Variants in TUBGCP5 observed in about 807,000 individuals in gnomAD.
The protein encoded by TUBGCP5 is tubulin gamma complex component 5.
A neutral mutation model predicts 134.7 loss-of-function variants in TUBGCP5; 98 were observed. The ratio of observed to expected loss-of-function variants is 0.73; its 90% CI spans 0.62 to 0.86. TUBGCP5 has a LOEUF of 0.86. TUBGCP5 is among the 40% of genes least tolerant of loss of function. The pLI, the probability that TUBGCP5 is intolerant of heterozygous loss-of-function variation, is 0.00. For synonymous variants in TUBGCP5, 456 were observed against 431.4 expected, an observed-to-expected ratio of 1.06 and a Z score of -0.71; for missense variants, 1,150 against 1,244.8, an observed-to-expected ratio of 0.92 and a Z score of 1.15.
chr15:23,033,590 T>A (rs2066431062), intron 3 of TUBGCP5, among the ~76,000 whole-genome samples: 1 of 149,664 alleles, frequency 6.7e-6, no homozygotes, highest in South Asian at 2.1e-4. Flanking sequence ...GTTTCATAAT[T>A]ATAAGAGTTT....
Position 23,007,165 on chromosome 15 carries a change from T to C in TUBGCP5, c.2328-813A>G, listed in dbSNP as rs1175985193. On this transcript the variant is annotated intron_variant, in intron 16 of 22. Transcript: ENST00000615383. The stretch of plus-strand genomic sequence containing the variant: ...TGGCTCACACCTGTAATCCCAGCAC[T>C]TTGGCATCCTCGAGGATCACGAGGT... Among the ~76,000 whole-genome samples, 2 of 152,098 alleles carry C rather than the reference T, an allele frequency of 1.3e-5. 1 individual carries two copies. The highest frequency in any genetic ancestry group is 2.9e-5 in the Non-Finnish European group (2 of 68,012).
At chr15:23,035,342 G>T (rs796569057) in intron 3 of TUBGCP5, among the ~76,000 whole-genome samples, 2 of 89,308 alleles carry the variant, frequency 2.2e-5, no homozygotes, top group African/African-American at 5.0e-5. Flanking sequence ...AAAAAAAAAA[G>T]AAAAAAAGTG....
intron 3 of TUBGCP5, among the ~76,000 whole-genome samples, chr15:23,035,068 C>G (rs1444178372): frequency 6.6e-6 from 1 of 152,092 alleles, no homozygotes; most frequent in African/African-American, 2.4e-5. Context: ...TGGCTCATGC[C>G]TGTAATCCCA....
At chr15:22,985,595 G>A (rs2063654143) in intron 23 of TUBGCP5, among the ~76,000 whole-genome samples, 1 of 151,852 alleles carries the variant, frequency 6.6e-6, no homozygotes, top group Non-Finnish European at 1.5e-5. Context: ...ATAGGAGAAT[G>A]GATAAACAAA....
chr15:23,014,591 G>A (rs1030612534), intron 13 of TUBGCP5, among the ~76,000 whole-genome samples: 2 of 127,206 alleles, frequency 1.6e-5, no homozygotes, highest in African/African-American at 5.3e-5. Flanking sequence ...CTCATGGGCT[G>A]CCACTGGCAG....
intron 11 of TUBGCP5, 155 bp from the exon 12 acceptor site, chr15:23,019,489 A>G: frequency 1.6e-6 from 1 of 614,672 alleles, no homozygotes; most frequent in South Asian, 2.1e-5. Flanking sequence ...CATACACTAT[A>G]AAATCCTTAT....
rs549962518 is a variant in TUBGCP5, at chr15:23,026,142, C to G, written c.801G>C (p.Glu267Asp). ...ATAGGGTTTCCCGAATAACCTGAGT[C>G]TCAGTAACCAAAACCCTGTCATCTG... ...YVPDDRVLVT[E>D]TQVIRETLWL... The change falls in exon 8 of 23, where the codon GAG (glutamate) becomes GAC (aspartate). Residue 267 changes from glutamate to aspartate, a missense_variant. Glu to Asp is a conservative substitution (Grantham distance 45). Coordinates refer to ENST00000615383, the MANE Select transcript of TUBGCP5 (RefSeq NM_052903.6). 3 of 1,610,442 alleles carry G rather than the reference C, an allele frequency of 1.9e-6. No homozygotes were observed. The highest frequency in any genetic ancestry group is 2.2e-5 in the East Asian group (1 of 44,652).
At chr15:22,995,728 G>C (rs1226807259), downstream of TUBGCP5, among the ~76,000 whole-genome samples, 1 of 152,008 alleles carries the variant, frequency 6.6e-6, no homozygotes, top group Non-Finnish European at 1.5e-5. Context: ...TGTACCTGTG[G>C]GACCAATGAA....
intron 3 of TUBGCP5, among the ~76,000 whole-genome samples, chr15:23,035,271 A>G (rs1027011416): frequency 1.3e-5 from 2 of 150,608 alleles, no homozygotes; most frequent in Non-Finnish European, 2.9e-5. Context: ...GGGGGTTGCA[A>G]TGAGTCGAGA....
rs542905350 is a variant in TUBGCP5 at position 23,020,584 on chromosome 15, C to CA, written c.1372-1251dup. Among the ~76,000 whole-genome samples the CA allele has an allele frequency of 8.8e-3, 673 of 76,114 alleles. 17 individuals carry two copies. The highest frequency in any genetic ancestry group is 0.056 in the Middle Eastern group (4 of 72). 49.9% of individuals were successfully genotyped at this position (76,114 alleles called of 152,430 possible). ...CTGGCAACAGAGCAAGACTACGTCT[C>CA]AAAAAAAAAAAAAAAAAAAAAAGAA... On this transcript the variant is annotated intron_variant, in intron 11 of 22. Coordinates refer to ENST00000615383, the MANE Select transcript of TUBGCP5 (RefSeq NM_052903.6).
intron 15 of TUBGCP5, 145 bp from the exon 16 acceptor site, chr15:23,009,026 A>C: frequency 3.4e-6 from 2 of 582,210 alleles, no homozygotes; most frequent in South Asian, 3.4e-5. Context: ...AACACCTCTT[A>C]AACTTGTTCC....
At chr15:23,031,379 C>T (rs1007255851) in intron 5 of TUBGCP5, among the ~76,000 whole-genome samples, 6 of 151,570 alleles carry the variant, frequency 4.0e-5, no homozygotes, top group Admixed American at 6.6e-5. Flanking sequence ...TGCAATAGCA[C>T]GATCTCAGCT....
At chr15:23,008,555 G>A in intron 16 of TUBGCP5, 144 bp downstream of exon 16, 1 of 1,066,280 alleles carries the variant, frequency 9.4e-7, no homozygotes, top group Non-Finnish European at 1.4e-6. Flanking sequence ...ACCGTGCCTG[G>A]CCTCCATTTT....
intron 5 of TUBGCP5, 28 bp downstream of exon 5, chr15:23,031,922 T>G: frequency 6.3e-7 from 1 of 1,575,112 alleles, no homozygotes; most frequent in Non-Finnish European, 8.6e-7. Flanking sequence ...GTATTTCAAT[T>G]TTCAATAGCA....
intron 23 of TUBGCP5, among the ~76,000 whole-genome samples, chr15:22,990,110 CCT>C (rs1272607113): frequency 6.6e-6 from 1 of 152,294 alleles, no homozygotes; most frequent in African/African-American, 2.4e-5. Context: ...CAGGCAGATT[CCT>C]CTCTTTCCTT....
intron 15 of TUBGCP5, 116 bp from the exon 16 acceptor site, chr15:23,008,997 T>C (rs2064879127): frequency 2.6e-6 from 2 of 764,484 alleles, no homozygotes; most frequent in South Asian, 4.9e-5. Flanking sequence ...ATTCTACATT[T>C]ACTAAAATTA....
In TUBGCP5 at chr15:23,004,093, C is replaced by T; in HGVS notation, c.2838+9G>A. The stretch of plus-strand genomic sequence containing the variant: ...CAGTGGCCACATCTGCAGGAGACAT[C>T]TCATGTACCTTTTCTCTCAGCAGAC... On this transcript the variant is annotated intron_variant, in intron 20 of 22. Coordinates refer to ENST00000615383, the MANE Select transcript of TUBGCP5 (RefSeq NM_052903.6). The T allele has an allele frequency of 6.2e-7, 1 of 1,605,636 alleles. No homozygotes were observed. Among genetic ancestry groups the T allele is most frequent in the Non-Finnish European group, 8.5e-7 (1 of 1,177,712 alleles).
In TUBGCP5 at chr15:23,010,893, T is replaced by C. The variant is rs60535910; in HGVS notation, c.1955+240A>G. On this transcript the variant is annotated intron_variant, in intron 14 of 22. Coordinates refer to ENST00000615383, the MANE Select transcript of TUBGCP5 (RefSeq NM_052903.6). The stretch of plus-strand genomic sequence containing the variant: ...AGCTGGGAGGCTGAGGTAGGAAAAT[T>C]GCTTAACCTGGGAGGCAGAGGTTGC... Among the ~76,000 whole-genome samples the C allele has an allele frequency of 4.7e-3, 717 of 151,636 alleles. 7 individuals carry two copies. The highest frequency in any genetic ancestry group is 0.016 in the African/African-American group (667 of 41,346).
At chr15:23,038,923 G>A (rs1438358330) in intron 1 of TUBGCP5, among the ~76,000 whole-genome samples, 1 of 152,092 alleles carries the variant, frequency 6.6e-6, no homozygotes, top group Non-Finnish European at 1.5e-5. Context: ...GTAATGACAG[G>A]TTAAATCAGT....
Sources: gnomAD v4.1 joint callset for allele counts (sites outside exome capture counted in the v4.1 genomes callset) on GRCh38, gnomAD v4.1.1 for gene constraint, MANE v1.5 for transcripts, NCBI Gene and HGNC (gene_info 2026-07-23, HGNC 2026-07-21) for gene names.